Variants in PRKCI observed in about 807,000 individuals in gnomAD.
PRKCI encodes the protein protein kinase C iota.
PRKCI carries 43 observed loss-of-function variants against 84.0 expected under a neutral mutation model. The observed-to-expected ratio is 0.51, with a 90% CI of 0.40 to 0.66. The LOEUF is 0.66. Ranked by LOEUF, PRKCI falls within the 30% of genes least tolerant of loss-of-function variation. The probability of loss-of-function intolerance (pLI) is 0.00; values close to 1 mark genes in which losing one functional copy is unlikely to be tolerated. For missense variants in PRKCI, 459 were observed against 745.6 expected, an observed-to-expected ratio of 0.62 and a Z score of 4.48; for synonymous variants, 216 against 234.4, an observed-to-expected ratio of 0.92 and a Z score of 0.72.
chr3:170,295,866 G>A lies in PRKCI; in HGVS notation c.1418-45G>A, dbSNP rs143957454. ...TCAAAAAAGAAGAAAAAAGATTAAA[G>A]CCATGTAAAAGTTAAATATAATACT... On this transcript the variant is annotated intron_variant, in intron 14 of 17. Transcript: ENST00000295797. 116 of 1,162,692 alleles carry A rather than the reference G, an allele frequency of 1.0e-4. No individual in the cohort carries two copies. The East Asian group carries it at 2.9e-3, about 29-fold the overall frequency. 72.0% of individuals were successfully genotyped at this position (1,162,692 alleles called of 1,614,324 possible).
intron 2 of PRKCI, among the ~76,000 whole-genome samples, chr3:170,250,772 C>T (rs757276921): frequency 6.6e-6 from 1 of 152,070 alleles, no homozygotes; most frequent in South Asian, 2.1e-4. Context: ...GAGGAACTGC[C>T]AGTTTTCCAG....
chr3:170,291,506 G>C, intron 12 of PRKCI: 1 of 206,842 alleles, frequency 4.8e-6, no homozygotes, highest in Non-Finnish European at 1.0e-5. Flanking sequence ...AGACCAGCCT[G>C]GCCAACATGG....
At chr3:170,234,107 C>G (rs1732880445) in intron 1 of PRKCI, among the ~76,000 whole-genome samples, 1 of 134,618 alleles carries the variant, frequency 7.4e-6, no homozygotes, top group African/African-American at 2.8e-5. Flanking sequence ...GATTGGTTCA[C>G]TGCAATCTCC....
intron 4 of PRKCI, among the ~76,000 whole-genome samples, chr3:170,265,462 G>T (rs1380552039): frequency 6.6e-6 from 1 of 152,146 alleles, no homozygotes; most frequent in Non-Finnish European, 1.5e-5. Flanking sequence ...ATGTTTGATT[G>T]TAAGTTATTG....
intron 2 of PRKCI, among the ~76,000 whole-genome samples, chr3:170,237,931 A>T (rs1008066685): frequency 6.9e-6 from 1 of 145,886 alleles, no homozygotes; most frequent in East Asian, 2.3e-4. Context: ...GCAAACGTGT[A>T]TGTATGTTTC....
chr3:170,251,755 C>A (rs1733450915), intron 2 of PRKCI, among the ~76,000 whole-genome samples: 1 of 151,726 alleles, frequency 6.6e-6, no homozygotes, highest in Admixed American at 6.6e-5. Flanking sequence ...ACTAAAAATA[C>A]AAAAACTAGC....
At chr3:170,256,293 T>G (rs1442433928) in intron 2 of PRKCI, among the ~76,000 whole-genome samples, 1 of 152,188 alleles carries the variant, frequency 6.6e-6, no homozygotes, top group Non-Finnish European at 1.5e-5. Flanking sequence ...CTGAAGCCAT[T>G]GGATCCTGGG....
At chr3:170,238,594 C>CTTTT (rs1231292323) in intron 2 of PRKCI, among the ~76,000 whole-genome samples, 4 of 125,124 alleles carry the variant, frequency 3.2e-5, no homozygotes, top group Non-Finnish European at 6.9e-5. Context: ...CATTTCTTTT[C>CTTTT]TTTTTTTTTT....
At chr3:170,279,734 T>C (rs1160870185) in intron 8 of PRKCI, among the ~76,000 whole-genome samples, 1 of 152,230 alleles carries the variant, frequency 6.6e-6, no homozygotes, top group Non-Finnish European at 1.5e-5. Context: ...TAGCTTACAT[T>C]CTATGTATCA....
intron 15 of PRKCI, among the ~76,000 whole-genome samples, chr3:170,296,238 T>A (rs113844361): frequency 3.2e-4 from 48 of 152,364 alleles, no homozygotes; most frequent in African/African-American, 1.1e-3. Flanking sequence ...TTTGTGTATG[T>A]GTAAATAATA....
intron 2 of PRKCI, among the ~76,000 whole-genome samples, chr3:170,241,639 C>G (rs1733134931): frequency 6.6e-6 from 1 of 152,066 alleles, no homozygotes; most frequent in Non-Finnish European, 1.5e-5. Context: ...CAGCGTAGTT[C>G]ACCTTTGTTT....
chr3:170,283,585 A>T (rs1309105683), intron 11 of PRKCI, among the ~76,000 whole-genome samples: 1 of 152,192 alleles, frequency 6.6e-6, no homozygotes, highest in Non-Finnish European at 1.5e-5. Context: ...TCATAGAGCC[A>T]CAGATGATAT....
At chr3:170,260,696 G>A (rs564306354) in intron 3 of PRKCI, among the ~76,000 whole-genome samples, 3 of 151,938 alleles carry the variant, frequency 2.0e-5, no homozygotes, top group South Asian at 2.1e-4. Flanking sequence ...CAAGAGATCC[G>A]CCTGCCTTGG....
chr3:170,245,266 C>T (rs1454230827), intron 2 of PRKCI, among the ~76,000 whole-genome samples: 2 of 151,960 alleles, frequency 1.3e-5, no homozygotes, highest in Non-Finnish European at 2.9e-5. Flanking sequence ...TTTGAGGATC[C>T]ACTACTTGCA....
chr3:170,289,894 G>A (rs1294310801), intron 12 of PRKCI, among the ~76,000 whole-genome samples: 2 of 150,714 alleles, frequency 1.3e-5, no homozygotes, highest in African/African-American at 4.9e-5. Context: ...CCTGGGTAAC[G>A]AGCGAAACTC....
chr3:170,259,943 C>T (rs776739945), intron 2 of PRKCI, 26 bp from the exon 3 acceptor site: 4 of 1,490,308 alleles, frequency 2.7e-6, no homozygotes, highest in Non-Finnish European at 3.7e-6. Context: ...TTAAAGTGAC[C>T]TTTACTTTAC....
chr3:170,279,892 G>A (rs1056275477), intron 8 of PRKCI, among the ~76,000 whole-genome samples: 12 of 152,034 alleles, frequency 7.9e-5, no homozygotes, highest in African/African-American at 2.4e-4. Flanking sequence ...CAATCTCTTG[G>A]TCACCAAGGT....
At chr3:170,300,134 A>G (rs1354205863) in intron 17 of PRKCI, among the ~76,000 whole-genome samples, 1 of 152,024 alleles carries the variant, frequency 6.6e-6, no homozygotes, top group East Asian at 1.9e-4. Flanking sequence ...TTCTTACCAC[A>G]TTTCTCCCAG....
intron 2 of PRKCI, among the ~76,000 whole-genome samples, chr3:170,241,786 G>A (rs1798230): frequency 0.78 from 118,086 of 150,846 alleles, 46,047 homozygotes; most frequent in South Asian, 0.88. Flanking sequence ...TCCTCCCATC[G>A]CAGCCTCTTA....
Sources: allele counts gnomAD v4.1 joint callset (sites outside exome capture counted in the v4.1 genomes callset), GRCh38; gene constraint gnomAD v4.1.1; transcripts MANE v1.5; gene names NCBI Gene and HGNC (gene_info 2026-07-23, HGNC 2026-07-21).